Variants in MCC observed in about 807,000 individuals in gnomAD.
MCC encodes MCC regulator of Wnt signaling pathway, also known as colorectal mutant cancer protein.
A neutral mutation model predicts 116.2 loss-of-function variants in MCC; 90 were observed. That is an observed-to-expected ratio of 0.77 (90% CI 0.65 to 0.92). The LOEUF is 0.92. MCC is among the 40% of genes least tolerant of loss of function. MCC has a pLI of 0.00. For missense variants in MCC, 1,516 were observed against 1,312.2 expected (o/e 1.16, Z -2.40); for synonymous variants, 578 against 510.5 (o/e 1.13, Z -1.78).
chr5:113,350,204 C>T (rs559348617), intron 2 of MCC, among the ~76,000 whole-genome samples: 5 of 151,870 alleles, frequency 3.3e-5, no homozygotes, highest in Non-Finnish European at 5.9e-5. Flanking sequence ...CTAAAACATA[C>T]GTGAAACCAC....
At chr5:113,109,121 T>C (rs999307196) in intron 6 of MCC, among the ~76,000 whole-genome samples, 1 of 152,158 alleles carries the variant, frequency 6.6e-6, no homozygotes, top group African/African-American at 2.4e-5. Context: ...GGTGCCACAG[T>C]AGGTCCTAAG....
At chr5:113,166,513 A>G (rs1760773659) in intron 3 of MCC, among the ~76,000 whole-genome samples, 1 of 152,164 alleles carries the variant, frequency 6.6e-6, no homozygotes, top group South Asian at 2.1e-4. Context: ...ATCTTGGAAC[A>G]GCGTGGGTGA....
Position 113,220,527 on chromosome 5 carries a change from C to T in MCC, c.628-69105G>A, listed in dbSNP as rs187770737. Among the ~76,000 whole-genome samples, 638 of 152,188 alleles carry T rather than the reference C, an allele frequency of 4.2e-3. 5 individuals are homozygous for T. The highest frequency in any genetic ancestry group is 0.015 in the African/African-American group (611 of 41,524). The stretch of plus-strand genomic sequence containing the variant: ...ATTAATGTTTGTATTTTTTAGTGCA[C>T]GATCTTGCACATCTGTTGTCAAATT... On this transcript the variant is annotated intron_variant, in intron 3 of 18. Transcript: ENST00000408903.
At chr5:113,465,693 A>G (rs1311332164) in intron 1 of MCC, among the ~76,000 whole-genome samples, 1 of 152,236 alleles carries the variant, frequency 6.6e-6, no homozygotes, top group Non-Finnish European at 1.5e-5. Context: ...TAACAGAAGA[A>G]AGTGAGCAAA....
chr5:113,066,704 G>A lies in MCC; in HGVS notation c.2029+1376C>T, dbSNP rs184769568. Among the ~76,000 whole-genome samples the A allele has an allele frequency of 4.9e-3, 745 of 152,322 alleles. 19 individuals carry two copies. The highest frequency in any genetic ancestry group is 0.044 in the Admixed American group (680 of 15,306). ...AGCCCCCAGACAAAGGGGGAGGAGC[G>A]GGGAAGAAGGACAGGAAGGTGCATT... On this transcript the variant is annotated intron_variant, in intron 13 of 18. Coordinates refer to ENST00000408903, the MANE Select transcript of MCC (RefSeq NM_001085377.2).
At chr5:113,471,491 T>C (rs1322173530) in intron 1 of MCC, among the ~76,000 whole-genome samples, 1 of 152,114 alleles carries the variant, frequency 6.6e-6, no homozygotes, top group Non-Finnish European at 1.5e-5. Flanking sequence ...CAGCGGATAC[T>C]GGTGAACCAC....
At chr5:113,113,216 C>T (rs568331976) in intron 6 of MCC, among the ~76,000 whole-genome samples, 1 of 152,300 alleles carries the variant, frequency 6.6e-6, no homozygotes, top group African/African-American at 2.4e-5. Context: ...TCTGTAAAGG[C>T]AAGATGTTAT....
intron 5 of MCC, among the ~76,000 whole-genome samples, chr5:113,138,118 G>A (rs1758949083): frequency 6.6e-6 from 1 of 151,910 alleles, no homozygotes; most frequent in Non-Finnish European, 1.5e-5. Context: ...CTGGGTTCAA[G>A]TGATTCTCCT....
At chr5:113,206,059 A>G in intron 3 of MCC, among the ~76,000 whole-genome samples, 1 of 152,154 alleles carries the variant, frequency 6.6e-6, no homozygotes, top group Non-Finnish European at 1.5e-5. Context: ...CCACTGGACA[A>G]CTCAATCCTG....
At chr5:113,178,023 C>G (rs1041513284) in intron 3 of MCC, among the ~76,000 whole-genome samples, 2 of 152,228 alleles carry the variant, frequency 1.3e-5, no homozygotes, top group Non-Finnish European at 2.9e-5. Context: ...GGAACACCAT[C>G]TGCAAAACAA....
chr5:113,107,984 G>A (rs1756846534), intron 6 of MCC, among the ~76,000 whole-genome samples: 1 of 152,074 alleles, frequency 6.6e-6, no homozygotes, highest in African/African-American at 2.4e-5. Context: ...GACCTTAACT[G>A]TGAGAGACCC....
At chr5:113,207,173 G>T (rs1232015764) in intron 3 of MCC, among the ~76,000 whole-genome samples, 4 of 152,152 alleles carry the variant, frequency 2.6e-5, no homozygotes, top group African/African-American at 9.7e-5. Flanking sequence ...AGAGACTTTG[G>T]AATCAGACAG....
chr5:113,346,760 T>C (rs779215276), intron 2 of MCC, among the ~76,000 whole-genome samples: 1 of 152,058 alleles, frequency 6.6e-6, no homozygotes, highest in South Asian at 2.1e-4. Context: ...CAAAGAAGAC[T>C]ACCTCAAGGC....
intron 1 of MCC, among the ~76,000 whole-genome samples, chr5:113,482,744 A>C (rs1385496679): frequency 6.6e-6 from 1 of 152,154 alleles, no homozygotes; most frequent in Non-Finnish European, 1.5e-5. Context: ...GCATAAACTT[A>C]AAAAATTTGC....
In MCC at chr5:113,434,619, T is replaced by A; in HGVS notation, c.171-49407A>T. ...TGATGTCTCAAAGATCTCGTAGGTCTTAATGATGGAGCAGTGGTTTAACAT... is the reference window on the plus strand; with the variant it reads ...TGATGTCTCAAAGATCTCGTAGGTCATAATGATGGAGCAGTGGTTTAACAT... On this transcript the variant is annotated intron_variant, in intron 1 of 18. Transcript: ENST00000408903. The surrounding 1 kb of genome is among the most constrained non-coding windows in gnomAD (Gnocchi z 4.2). The A allele has an allele frequency of 6.2e-7, 1 of 1,613,940 alleles. No individual in the cohort carries two copies.
At chr5:113,416,146 G>T (rs1419179122) in intron 1 of MCC, among the ~76,000 whole-genome samples, 1 of 152,192 alleles carries the variant, frequency 6.6e-6, no homozygotes. Context: ...CATTGATCAC[G>T]CTGGGAGGTG....
intron 1 of MCC, among the ~76,000 whole-genome samples, chr5:113,421,393 C>A (rs1770329788): frequency 6.6e-6 from 1 of 152,128 alleles, no homozygotes; most frequent in Admixed American, 6.5e-5. Context: ...TTTCAGCAAA[C>A]TTCCCTAGAC....
At chr5:113,050,708 A>G (rs980594979) in intron 15 of MCC, among the ~76,000 whole-genome samples, 6 of 152,268 alleles carry the variant, frequency 3.9e-5, no homozygotes, top group Admixed American at 3.9e-4. Flanking sequence ...TTCCAGAACA[A>G]ACATATAAGT....
chr5:113,210,507 G>A (rs1391089485), intron 3 of MCC, among the ~76,000 whole-genome samples: 1 of 152,194 alleles, frequency 6.6e-6, no homozygotes, highest in Non-Finnish European at 1.5e-5. Context: ...CCCAGACTCA[G>A]TGCAATTGGG....
Sources: gnomAD v4.1 joint callset for allele counts (sites outside exome capture counted in the v4.1 genomes callset) on GRCh38, gnomAD v4.1.1 for gene constraint, Gnocchi (gnomAD v3.1) non-coding constraint, MANE v1.5 for transcripts, NCBI Gene and HGNC (gene_info 2026-07-23, HGNC 2026-07-21) for gene names.